Variants in PRDM10 observed in about 807,000 individuals in gnomAD.
PRDM10 encodes PR domain zinc finger protein 10.
A neutral mutation model predicts 133.1 loss-of-function variants in PRDM10; 65 were observed. The observed-to-expected ratio is 0.49, with a 90% CI of 0.40 to 0.60. PRDM10 has a LOEUF of 0.60. Ranked by LOEUF, PRDM10 falls within the 20% of genes least tolerant of loss-of-function variation. The pLI, the probability that PRDM10 is intolerant of heterozygous loss-of-function variation, is 0.00. For synonymous variants in PRDM10, 582 were observed against 580.4 expected, an observed-to-expected ratio of 1.00 and a Z score of -0.04; for missense variants, 1,137 against 1,507.1, an observed-to-expected ratio of 0.75 and a Z score of 4.07.
At chr11:129,988,838 C>A (rs1459026026) in intron 1 of PRDM10, among the ~76,000 whole-genome samples, 1 of 151,960 alleles carries the variant, frequency 6.6e-6, no homozygotes, top group South Asian at 2.1e-4. Context: ...ACCGTGTTAG[C>A]CAGGATGGTC....
intron 4 of PRDM10, among the ~76,000 whole-genome samples, chr11:129,953,802 C>T (rs1252606215): frequency 7.2e-5 from 10 of 139,272 alleles, no homozygotes; most frequent in Non-Finnish European, 1.4e-4. Flanking sequence ...GATATGATGT[C>T]CATGACAGCA....
chr11:129,918,418 G>A lies in PRDM10; in HGVS notation c.2214+121C>T, dbSNP rs1950423236. On this transcript the variant is annotated intron_variant, in intron 14 of 20. Transcript: ENST00000360871. The surrounding 1 kb of genome is among the most constrained non-coding windows in gnomAD (Gnocchi z 5.3). ...TCGTTTGCCTCTGTTTCTTCCCCTG[G>A]ACATTGACAAAACCATTGATCGATA... 2 of 1,223,176 alleles carry A rather than the reference G, an allele frequency of 1.6e-6. No individual in the cohort carries two copies. The highest frequency in any genetic ancestry group is 3.1e-5 in the African/African-American group (2 of 64,594). 75.8% of individuals were successfully genotyped at this position (1,223,176 alleles called of 1,614,324 possible). A position where few individuals can be genotyped will look rare whatever the true frequency, so the allele number is the denominator to read the frequency against.
At chr11:129,957,377 G>T (rs954062536) in intron 3 of PRDM10, among the ~76,000 whole-genome samples, 19 of 152,078 alleles carry the variant, frequency 1.2e-4, no homozygotes, top group African/African-American at 4.6e-4. Context: ...GGAGTGCAGT[G>T]GCGCGATCTC....
chr11:129,924,250 A>G (rs1387993547), intron 12 of PRDM10, among the ~76,000 whole-genome samples: 2 of 152,224 alleles, frequency 1.3e-5, no homozygotes, highest in African/African-American at 4.8e-5. Flanking sequence ...TTAAATCCCT[A>G]GTCTTCTTTT....
At chr11:129,967,898 C>T (rs1951940011) in intron 1 of PRDM10, among the ~76,000 whole-genome samples, 1 of 152,086 alleles carries the variant, frequency 6.6e-6, no homozygotes, top group South Asian at 2.1e-4. Context: ...CCCATCATGC[C>T]CTTCACCCCA....
intron 1 of PRDM10, among the ~76,000 whole-genome samples, chr11:129,997,176 G>A (rs1387281213): frequency 6.6e-6 from 1 of 152,192 alleles, no homozygotes; most frequent in Admixed American, 6.5e-5. Context: ...CTCCAATTGT[G>A]TTTAAAAGGA....
At chr11:129,910,355 TAG>T in intron 19 of PRDM10, 119 bp downstream of exon 19, 1 of 1,342,848 alleles carries the variant, frequency 7.4e-7, no homozygotes, top group East Asian at 2.3e-5. Flanking sequence ...AGTACATTCA[TAG>T]AGAGTGTAAA....
intron 7 of PRDM10, among the ~76,000 whole-genome samples, chr11:129,939,137 G>A (rs374232210): frequency 6.6e-6 from 1 of 152,108 alleles, no homozygotes; most frequent in East Asian, 1.9e-4. Context: ...TTTCCTTCAT[G>A]GAACTTACCC....
At chr11:129,962,794 T>C (rs1951821660) in intron 1 of PRDM10, among the ~76,000 whole-genome samples, 1 of 152,080 alleles carries the variant, frequency 6.6e-6, no homozygotes, top group South Asian at 2.1e-4. Context: ...TCAGGGTGAG[T>C]TTCCTATGGT....
chr11:129,911,997 G>C, intron 18 of PRDM10, 88 bp downstream of exon 18: 3 of 1,412,986 alleles, frequency 2.1e-6, no homozygotes, highest in Non-Finnish European at 2.8e-6. Context: ...GAGGAGACTA[G>C]GTCTGAAGAG....
chr11:129,902,645 G>T, intron 20 of PRDM10, 129 bp from the exon 21 acceptor site: 2 of 1,389,300 alleles, frequency 1.4e-6, no homozygotes, highest in Non-Finnish European at 1.9e-6. Context: ...GAGATGCTTT[G>T]CCTAGGTCCT....
chr11:129,997,439 C>CA (rs1939122029), intron 1 of PRDM10, among the ~76,000 whole-genome samples: 1 of 152,152 alleles, frequency 6.6e-6, no homozygotes, highest in African/African-American at 2.4e-5. Flanking sequence ...ATGATGGTGC[C>CA]CCCGCATTCC....
intron 1 of PRDM10, among the ~76,000 whole-genome samples, chr11:129,988,790 C>A (rs1050916857): frequency 2.6e-5 from 4 of 151,920 alleles, no homozygotes; most frequent in African/African-American, 4.8e-5. Context: ...CCACCACACC[C>A]AGCTAATTTT....
intron 4 of PRDM10, chr11:129,948,148 G>C (rs1951481345): frequency 2.3e-6 from 1 of 441,682 alleles, no homozygotes; most frequent in South Asian, 1.6e-5. Context: ...TTAGGTTAAT[G>C]CTATCTTATC....
chr11:129,975,284 G>A (rs1342201071), intron 1 of PRDM10, among the ~76,000 whole-genome samples: 2 of 151,974 alleles, frequency 1.3e-5, no homozygotes, highest in Non-Finnish European at 2.9e-5. Context: ...AAAATTAGCC[G>A]GGTGTGGTGG....
chr11:130,000,214 T>C (rs1282245852), intron 1 of PRDM10, among the ~76,000 whole-genome samples: 2 of 152,022 alleles, frequency 1.3e-5, no homozygotes, highest in East Asian at 3.9e-4. Context: ...CGTCCAATTT[T>C]TGTATTTTTA....
intron 1 of PRDM10, among the ~76,000 whole-genome samples, chr11:129,990,077 G>A (rs1938645063): frequency 5.9e-5 from 9 of 152,014 alleles, no homozygotes; most frequent in Admixed American, 5.9e-4. Flanking sequence ...GGGGCGTGGT[G>A]GCTCACACCT....
rs1160689077 is a variant in PRDM10, at chr11:129,931,190, A to T, written c.1356T>A (p.Asp452Glu). 6.2e-7 allele frequency: 1 copy of T among 1,614,120 alleles called. No homozygotes were observed. Among genetic ancestry groups the T allele is most frequent in the Admixed American group, 1.7e-5 (1 of 60,018 alleles). ...EAEPATLNGLDQPEQTTIPIP... is the reference protein window; with the variant it reads ...EAEPATLNGLEQPEQTTIPIP... ...TTGGGATAGTGGTCTGTTCTGGTTG[A>T]TCCAGCCCATTCAGAGTGGCTGGTT... Residue 452 changes from aspartate (D) to glutamate (E), a missense_variant, in exon 11 of 21, where the codon GAT becomes GAA. Transcript: ENST00000360871.
chr11:129,901,285 C>T lies in PRDM10; in HGVS notation c.*1028G>A, dbSNP rs1314528798. The stretch of plus-strand genomic sequence containing the variant: ...AATGTTAATAAATAAGAAATGCCAC[C>T]TTCCTGTCCAACTTTAAAGAATGTT... On this transcript the variant is annotated 3_prime_UTR_variant, in exon 21 of 21. Transcript: ENST00000360871. The T allele has an allele frequency of 6.6e-6, 1 of 152,580 alleles. No individual in the cohort carries two copies. The highest frequency in any genetic ancestry group is 2.4e-5 in the African/African-American group (1 of 41,426). The allele number at this position is 152,580 out of a possible 1,614,324, so 9.5% of individuals were successfully genotyped here.
Sources: allele counts gnomAD v4.1 joint callset (sites outside exome capture counted in the v4.1 genomes callset), GRCh38; gene constraint gnomAD v4.1.1; non-coding constraint Gnocchi (gnomAD v3.1); transcripts MANE v1.5; gene names NCBI Gene and HGNC (gene_info 2026-07-23, HGNC 2026-07-21).